The following PRKCI variants were observed in gnomAD, a reference collection of about 807,000 sequenced individuals.
The protein encoded by PRKCI is protein kinase C iota type.
Under a neutral mutation model 84.0 loss-of-function variants are expected in PRKCI, and 43 were observed. The ratio of observed to expected loss-of-function variants is 0.51; its 90% confidence interval spans 0.40 to 0.66. The LOEUF (loss-of-function observed/expected upper bound fraction) is 0.66, where lower values mean the gene tolerates loss of function less well. PRKCI is among the 30% of genes least tolerant of loss of function. The probability of loss-of-function intolerance (pLI) is 0.00; values close to 1 mark genes in which losing one functional copy is unlikely to be tolerated. For missense variants in PRKCI, 459 were observed against 745.6 expected (o/e 0.62, Z 4.48); for synonymous variants, 216 against 234.4 (o/e 0.92, Z 0.72).
At chr3:170,227,834 A>G (rs1732673119) in intron 1 of PRKCI, among the ~76,000 whole-genome samples, 1 of 151,988 alleles carries the variant, frequency 6.6e-6, no homozygotes, top group African/African-American at 2.4e-5. Context: ...TGAAATTAGT[A>G]TGGGAGATGG....
rs146957078 is a variant in PRKCI at position 170,235,129 on chromosome 3, A to G, written c.102-101A>G. 3.3e-5 allele frequency: 42 copies of G among 1,254,368 alleles called. No homozygotes were observed. The East Asian group carries it at 9.9e-4, about 29-fold the overall frequency. The allele number at this position is 1,254,368 out of a possible 1,614,324, so 77.7% of individuals were successfully genotyped here. On this transcript the variant is annotated intron_variant, in intron 1 of 17. Transcript: ENST00000295797. ...GAAAGCAATACATGTTGATGCACAC[A>G]CAAAATTACTGAAGTTCATCAAATT...
intron 2 of PRKCI, among the ~76,000 whole-genome samples, chr3:170,259,516 A>T (rs1166664049): frequency 1.3e-5 from 2 of 151,988 alleles, no homozygotes; most frequent in African/African-American, 4.8e-5. Flanking sequence ...ATATCTAAAT[A>T]TTTGTCCTTA....
intron 2 of PRKCI, 27 bp from the exon 3 acceptor site, chr3:170,259,941 AC>A (rs762037237): frequency 4.8e-6 from 7 of 1,455,404 alleles, no homozygotes; most frequent in Non-Finnish European, 6.6e-6. Context: ...TTTTAAAGTG[AC>A]CTTTACTTTA....
chr3:170,272,253 A>G (rs1450682303), intron 6 of PRKCI, among the ~76,000 whole-genome samples: 1 of 152,178 alleles, frequency 6.6e-6, no homozygotes, highest in Non-Finnish European at 1.5e-5. Context: ...CACACTGCCT[A>G]TCGATTAGCC....
rs747797154 is a variant in PRKCI, at chr3:170,263,398, A to G, written c.333A>G (p.Glu111=). 5.6e-6 allele frequency: 9 copies of G among 1,603,748 alleles called. No individual in the cohort carries two copies. In the East Asian group the frequency reaches 6.7e-5, roughly 12 times the overall value. ...LLIHVFPCVP[E]RPGMPCPGED... ...TTTCAGTGTTCCCTTGTGTACCAGA[A>G]CGTCCTGGGATGCCTTGTCCAGGAG... Residue 111 remains glutamate (E), a synonymous_variant, in exon 4 of 18, where the codon GAA becomes GAG. Transcript: ENST00000295797.
At chr3:170,236,036 A>G (rs1323742903) in intron 2 of PRKCI, among the ~76,000 whole-genome samples, 1 of 141,026 alleles carries the variant, frequency 7.1e-6, no homozygotes, top group Non-Finnish European at 1.5e-5. Context: ...TCTTCCCATC[A>G]TGACCTCCCA....
rs1337544905 is a variant in PRKCI, at chr3:170,305,157, G to C, written c.*2030G>C. Reference sequence around the variant, plus strand: ...ATGTCAGAAATATGTTTATGGCCTTGCTTTTAAGTGGTGCTGTTTCCCATA... The same window carrying C: ...ATGTCAGAAATATGTTTATGGCCTTCCTTTTAAGTGGTGCTGTTTCCCATA... On this transcript the variant is annotated 3_prime_UTR_variant, in exon 18 of 18. Transcript: ENST00000295797. The C allele has an allele frequency of 6.6e-6, 1 of 152,530 alleles. No individual in the cohort carries two copies. The highest frequency in any genetic ancestry group is 6.5e-5 in the Admixed American group (1 of 15,268). 9.4% of individuals were successfully genotyped at this position (152,530 alleles called of 1,614,324 possible).
chr3:170,289,826 C>T (rs551508931), intron 12 of PRKCI, among the ~76,000 whole-genome samples: 2 of 152,042 alleles, frequency 1.3e-5, no homozygotes, highest in African/African-American at 2.4e-5. Context: ...GCAGGAGAAT[C>T]GCTTGAACCT....
chr3:170,273,316 A>G lies in PRKCI; in HGVS notation c.622A>G (p.Met208Val), dbSNP rs1734041449. 6.2e-7 allele frequency: 1 copy of G among 1,613,848 alleles called. No individual in the cohort carries two copies. Among genetic ancestry groups the G allele is most frequent in the Non-Finnish European group, 8.5e-7 (1 of 1,179,794 alleles). Residue 208 changes from methionine to valine, a missense_variant, in exon 7 of 18, where the codon ATG (methionine) becomes GTG (valine). By Grantham distance (21) the Met-to-Val change is conservative (BLOSUM62 1). Coordinates refer to ENST00000295797, the MANE Select transcript of PRKCI (RefSeq NM_002740.6). ...AGTGATGCCCATGGATCAGTCATCC[A>G]TGCATTCTGACCATGCACAGACAGG... ...EPVMPMDQSSMHSDHAQTVIP... is the reference protein window; with the variant it reads ...EPVMPMDQSSVHSDHAQTVIP...
At chr3:170,297,566 C>G (rs1307519976) in intron 16 of PRKCI, among the ~76,000 whole-genome samples, 173 bp downstream of exon 16, 1 of 152,160 alleles carries the variant, frequency 6.6e-6, no homozygotes, top group Non-Finnish European at 1.5e-5. Flanking sequence ...GCAGTTCTGT[C>G]TCTGCCTCCC....
At chr3:170,270,005 G>A (rs1028593853) in intron 5 of PRKCI, among the ~76,000 whole-genome samples, 4 of 151,948 alleles carry the variant, frequency 2.6e-5, no homozygotes, top group Admixed American at 6.5e-5. Flanking sequence ...TTTGAAATGA[G>A]AAGTCACTTT....
chr3:170,224,737 A>G (rs2108832221), intron 1 of PRKCI, among the ~76,000 whole-genome samples: 1 of 152,232 alleles, frequency 6.6e-6, no homozygotes, highest in Middle Eastern at 3.4e-3. Context: ...TTGGCCAGGC[A>G]TGTCTTGAAC....
chr3:170,263,758 C>T (rs571609703), intron 4 of PRKCI, among the ~76,000 whole-genome samples: 12 of 151,942 alleles, frequency 7.9e-5, no homozygotes, highest in African/African-American at 2.7e-4. Flanking sequence ...GGTCGCACTA[C>T]TTGCACTCTA....
At chr3:170,249,366 T>A (rs529338547) in intron 2 of PRKCI, among the ~76,000 whole-genome samples, 73 of 152,086 alleles carry the variant, frequency 4.8e-4, no homozygotes, top group African/African-American at 1.6e-3. Flanking sequence ...AAAACACTCA[T>A]TGGTATCATT....
intron 14 of PRKCI, 99 bp downstream of exon 14, chr3:170,293,607 A>G (rs1734622349): frequency 2.3e-6 from 3 of 1,313,730 alleles, no homozygotes; most frequent in Admixed American, 2.4e-5. Flanking sequence ...AAAAATGAGC[A>G]TAATCTGGAA....
chr3:170,259,294 C>G (rs1303797014), intron 2 of PRKCI, among the ~76,000 whole-genome samples: 1 of 149,104 alleles, frequency 6.7e-6, no homozygotes, highest in Non-Finnish European at 1.5e-5. Flanking sequence ...TTGCTTGAGC[C>G]CAGGAGGTCG....
chr3:170,235,240 A>G lies in PRKCI; in HGVS notation c.112A>G (p.Ile38Val), dbSNP rs1732939870. ...VKAYYRGDIM[I>V]THFEPSISFE... The stretch of plus-strand genomic sequence containing the variant: ...CCTTTTCTTTTTCAGGGATATCATG[A>G]TAACACATTTTGAACCTTCCATCTC... Residue 38 changes from isoleucine (I) to valine (V), a missense_variant, in exon 2 of 18, where the codon ATA becomes GTA. By Grantham distance (29) the Ile-to-Val change is conservative (BLOSUM62 3). This residue lies in a region of PRKCI where 250 missense variants were observed against 319.7 expected (regional missense o/e 0.78). Coordinates refer to ENST00000295797, the MANE Select transcript of PRKCI (RefSeq NM_002740.6). 1.2e-6 allele frequency: 2 copies of G among 1,613,690 alleles called. No homozygotes were observed. Among genetic ancestry groups the G allele is most frequent in the Non-Finnish European group, 8.5e-7 (1 of 1,179,662 alleles).
At chr3:170,245,223 C>T (rs1733242829) in intron 2 of PRKCI, among the ~76,000 whole-genome samples, 1 of 151,744 alleles carries the variant, frequency 6.6e-6, no homozygotes, top group Non-Finnish European at 1.5e-5. Flanking sequence ...AGTTTGTAGC[C>T]AAGTCAGACT....
At chr3:170,246,463 A>G (rs1044383616) in intron 2 of PRKCI, among the ~76,000 whole-genome samples, 11 of 151,352 alleles carry the variant, frequency 7.3e-5, no homozygotes, top group Non-Finnish European at 1.5e-4. Context: ...TAAATTTTTT[A>G]TTTTATTTTT....
Sources: allele counts gnomAD v4.1 joint callset (sites outside exome capture counted in the v4.1 genomes callset), GRCh38; gene constraint gnomAD v4.1.1; regional missense constraint gnomAD v4.1.1; transcripts MANE v1.5; gene names NCBI Gene and HGNC (gene_info 2026-07-23, HGNC 2026-07-21).